The following WSCD1 variants were observed in gnomAD, a reference collection of about 807,000 sequenced individuals.
WSCD1 encodes WSC domain sialate O sulfotransferase 1, also known as sialate:O-sulfotransferase 1.
A neutral mutation model predicts 60.4 loss-of-function variants in WSCD1; 41 were observed. That is an observed-to-expected ratio of 0.68 (90% CI 0.53 to 0.88). WSCD1 has a LOEUF of 0.88. Among genes scored for constraint, WSCD1 ranks in the 40% least tolerant of loss-of-function variants. The probability of loss-of-function intolerance (pLI) is 0.00; values close to 1 mark genes in which losing one functional copy is unlikely to be tolerated. For missense variants in WSCD1, 784 were observed against 796.2 expected (o/e 0.98, Z 0.18); for synonymous variants, 361 against 332.5 (o/e 1.09, Z -0.93).
rs768002991 is a variant in WSCD1 at position 6,120,652 on chromosome 17, G to A, written c.1719G>A (p.Val573=). ...HNWTGLPREY[V]PR ...GGACGGGGCTGCCCAGGGAGTATGT[G>A]CCCAGATGATAGGCCTGGCCCACGC... Residue 573 remains valine, a synonymous_variant, in exon 9 of 9, where the codon GTG becomes GTA. Coordinates refer to ENST00000317744, the MANE Select transcript of WSCD1 (RefSeq NM_015253.2). 6.2e-7 allele frequency: 1 copy of A among 1,609,776 alleles called. No individual in the cohort carries two copies. Among genetic ancestry groups the A allele is most frequent in the South Asian group, 1.1e-5 (1 of 90,934 alleles).
intron 1 of WSCD1, among the ~76,000 whole-genome samples, chr17:6,076,611 C>G (rs2150527453): frequency 6.6e-6 from 1 of 152,326 alleles, no homozygotes; most frequent in East Asian, 1.9e-4. Context: ...TCCCATAAAG[C>G]ATATTTACCC....
chr17:6,117,743 A>G (rs914472961), intron 7 of WSCD1, among the ~76,000 whole-genome samples: 2 of 152,022 alleles, frequency 1.3e-5, no homozygotes, highest in Non-Finnish European at 2.9e-5. Flanking sequence ...ACCTCATCTC[A>G]TTTCTCTTGC....
chr17:6,110,733 G>T lies in WSCD1; in HGVS notation c.1010-38G>T. On this transcript the variant is annotated intron_variant, in intron 6 of 8. Transcript: ENST00000317744. The surrounding 1 kb of genome is among the most constrained non-coding windows in gnomAD (Gnocchi z 4.8). ...TAGTGGTGAATTGGTGAGTCATAAT[G>T]GAAGTGAGTAACCCCGTGATGACTT... 1 of 1,582,238 alleles carries T rather than the reference G, an allele frequency of 6.3e-7. No individual in the cohort carries two copies. Among genetic ancestry groups the T allele is most frequent in the South Asian group, 1.1e-5 (1 of 87,672 alleles).
chr17:6,108,145 A>G (rs548617580), intron 5 of WSCD1, among the ~76,000 whole-genome samples: 2 of 152,264 alleles, frequency 1.3e-5, no homozygotes, highest in South Asian at 2.1e-4. Context: ...CCTCCCGCCA[A>G]TGCCCCAGGC....
Position 6,120,635 on chromosome 17 carries a change from C to A in WSCD1, c.1702C>A (p.Leu568Met). Residue 568 changes from leucine to methionine, a missense_variant, in exon 9 of 9, where the codon CTG (leucine) becomes ATG (methionine). Transcript: ENST00000317744. ...QALRDHNWTGLPREYVPR is the reference protein window; with the variant it reads ...QALRDHNWTGMPREYVPR The stretch of plus-strand genomic sequence containing the variant: ...CCTGCGTGACCACAACTGGACGGGG[C>A]TGCCCAGGGAGTATGTGCCCAGATG... The A allele has an allele frequency of 6.2e-7, 1 of 1,612,728 alleles. No individual in the cohort carries two copies. Among genetic ancestry groups the A allele is most frequent in the Non-Finnish European group, 8.5e-7 (1 of 1,179,544 alleles).
At chr17:6,078,973 G>A (rs7210943) in intron 1 of WSCD1, among the ~76,000 whole-genome samples, 85,102 of 152,012 alleles carry the variant, frequency 0.56, 24,206 homozygotes, top group South Asian at 0.64. Flanking sequence ...CAATTTCCCA[G>A]CCCAGAGTTT....
rs1305262082 is a variant in WSCD1, at chr17:6,075,793, C to G, written c.-288-4578C>G. Among the ~76,000 whole-genome samples, 1 of 152,158 alleles carries G rather than the reference C, an allele frequency of 6.6e-6. No homozygotes were observed. Among genetic ancestry groups the G allele is most frequent in the Non-Finnish European group, 1.5e-5 (1 of 68,028 alleles). On this transcript the variant is annotated intron_variant, in intron 1 of 8. Transcript: ENST00000317744. The surrounding 1 kb of genome is among the most constrained non-coding windows in gnomAD (Gnocchi z 4.1). Reference sequence around the variant, plus strand: ...GCAGGGATAGAACCCCTCTAGCCTCCCCCTGAAGCACTCTGCAGGGTTCCA... The same window carrying G: ...GCAGGGATAGAACCCCTCTAGCCTCGCCCTGAAGCACTCTGCAGGGTTCCA...
intron 2 of WSCD1, among the ~76,000 whole-genome samples, chr17:6,084,394 C>T (rs1473133013): frequency 6.6e-5 from 10 of 152,210 alleles, no homozygotes; most frequent in Admixed American, 3.9e-4. Context: ...ACAGCCAGTC[C>T]GGCCTCACTG....
chr17:6,095,286 G>A, intron 5 of WSCD1, 63 bp downstream of exon 5: 2 of 1,540,552 alleles, frequency 1.3e-6, no homozygotes, highest in South Asian at 1.3e-5. Flanking sequence ...CCTGAGAGAG[G>A]GGGGCACATG....
intron 1 of WSCD1, among the ~76,000 whole-genome samples, chr17:6,078,507 C>T (rs553092778): frequency 6.6e-6 from 1 of 152,128 alleles, no homozygotes; most frequent in South Asian, 2.1e-4. Flanking sequence ...TGCAAAGGCA[C>T]CGAGGCAGAT....
At position 6,101,990 on chromosome 17, in the gene WSCD1, G is replaced by GTTTGTTCTCC. The variant is rs575805854; in HGVS notation, c.849+6768_849+6777dup. On this transcript the variant is annotated intron_variant, in intron 5 of 8. Transcript: ENST00000317744. This position sits in a 1 kb window ranked among gnomAD's most constrained non-coding sequence, Gnocchi z 4.1. ...CGGCGATTATACCTTGTGATGTGAG[G>GTTTGTTCTCC]TTTGTTCTCCCAGCTGCTGTTAGTG... Among the ~76,000 whole-genome samples the GTTTGTTCTCC allele has an allele frequency of 3.7e-3, 559 of 152,304 alleles. 2 individuals carry two copies. Among genetic ancestry groups the GTTTGTTCTCC allele is most frequent in the African/African-American group, 0.013 (537 of 41,552 alleles).
intron 6 of WSCD1, 143 bp downstream of exon 6, chr17:6,109,909 G>T: frequency 1.7e-6 from 2 of 1,163,566 alleles, no homozygotes; most frequent in East Asian, 2.5e-5. Context: ...CATCTTGATG[G>T]GTGTTGGAGA....
Position 6,123,537 on chromosome 17 carries a change from T to A in WSCD1, c.*2876T>A, listed in dbSNP as rs1904829997. Reference sequence around the variant, plus strand: ...CTGTGATAATGTTTGCATATCAGAATGCATTCTCCCCTTAAAAGTAGCAGT... The same window carrying A: ...CTGTGATAATGTTTGCATATCAGAAAGCATTCTCCCCTTAAAAGTAGCAGT... On this transcript the variant is annotated 3_prime_UTR_variant, in exon 9 of 9. Coordinates refer to ENST00000317744, the MANE Select transcript of WSCD1 (RefSeq NM_015253.2). The A allele has an allele frequency of 6.6e-6, 1 of 152,154 alleles. No homozygotes were observed. Among genetic ancestry groups the A allele is most frequent in the African/African-American group, 2.4e-5 (1 of 41,438 alleles). The allele number at this position is 152,154 out of a possible 1,614,324, so 9.4% of individuals were successfully genotyped here.
chr17:6,077,617 T>A (rs1908951480), intron 1 of WSCD1, among the ~76,000 whole-genome samples: 1 of 152,152 alleles, frequency 6.6e-6, no homozygotes, highest in Admixed American at 6.5e-5. Flanking sequence ...CTTGGGACCC[T>A]GTGTGAGATG....
At position 6,121,963 on chromosome 17, in the gene WSCD1, A is replaced by G; in HGVS notation, c.*1302A>G. ...TCCGGTTGCACACTGGCCTCTGTGG[A>G]GGTCAGGGAGGTGGGAAGGTGGGTG... On this transcript the variant is annotated 3_prime_UTR_variant, in exon 9 of 9. Transcript: ENST00000317744. 6.6e-6 allele frequency: 1 copy of G among 152,388 alleles called. No homozygotes were observed. Among genetic ancestry groups the G allele is most frequent in the Non-Finnish European group, 1.5e-5 (1 of 68,108 alleles). 9.4% of individuals were successfully genotyped at this position (152,388 alleles called of 1,614,324 possible). A position where few individuals can be genotyped will look rare whatever the true frequency, so the allele number is the denominator to read the frequency against.
chr17:6,095,414 C>T (rs1910359690), intron 5 of WSCD1, among the ~76,000 whole-genome samples, 191 bp downstream of exon 5: 1 of 152,192 alleles, frequency 6.6e-6, no homozygotes, highest in Admixed American at 6.5e-5. Flanking sequence ...TCGCCTCTGT[C>T]CACCATGTGA....
At chr17:6,069,229 G>T (rs1279291414), upstream of WSCD1, 4 of 398,676 alleles carry the variant, frequency 1.0e-5, no homozygotes, top group Non-Finnish European at 1.8e-5. Context: ...GTCCACCGGT[G>T]CACATGGCAG....
Position 6,110,981 on chromosome 17 carries a change from C to T in WSCD1, c.1174+46C>T. The T allele has an allele frequency of 6.5e-7, 1 of 1,549,386 alleles. No homozygotes were observed. Among genetic ancestry groups the T allele is most frequent in the Non-Finnish European group, 8.8e-7 (1 of 1,142,814 alleles). ...ACGATGGAAGGCAGCTCCCGGTGAC[C>T]AAACTGTCACCTTGCCAGCCAAGCT... On this transcript the variant is annotated intron_variant, in intron 7 of 8. Coordinates refer to ENST00000317744, the MANE Select transcript of WSCD1 (RefSeq NM_015253.2). The surrounding 1 kb of genome is among the most constrained non-coding windows in gnomAD (Gnocchi z 4.8).
chr17:6,090,396 G>A lies in WSCD1; in HGVS notation c.618G>A (p.Gly206=), dbSNP rs1297258053. The change falls in exon 4 of 9, where the codon GGG becomes GGA. Residue 206 remains glycine, a synonymous_variant. Coordinates refer to ENST00000317744, the MANE Select transcript of WSCD1 (RefSeq NM_015253.2). The stretch of plus-strand genomic sequence containing the variant: ...ACCGGCTGCCAGCGGTGAGCGTGGG[G>A]CTGGAAGAGTGTAACCATGAGTGCA... The part of the protein sequence containing the change: ...CGNRLPAVSV[G]LEECNHECKG... 1.2e-6 allele frequency: 2 copies of A among 1,611,510 alleles called. No homozygotes were observed. Among genetic ancestry groups the A allele is most frequent in the Non-Finnish European group, 1.7e-6 (2 of 1,178,938 alleles).
Sources: allele counts gnomAD v4.1 joint callset (sites outside exome capture counted in the v4.1 genomes callset), GRCh38; gene constraint gnomAD v4.1.1; non-coding constraint Gnocchi (gnomAD v3.1); transcripts MANE v1.5; gene names NCBI Gene and HGNC (gene_info 2026-07-23, HGNC 2026-07-21).